UBFD1: variants seen among roughly 807,000 people sequenced by gnomAD.
UBFD1 encodes the protein ubiquitin family domain containing 1.
UBFD1 carries 12 observed loss-of-function variants against 35.1 expected under a neutral mutation model. The ratio of observed to expected loss-of-function variants is 0.34; its 90% CI spans 0.22 to 0.55. The LOEUF (loss-of-function observed/expected upper bound fraction) is 0.55. Among genes scored for constraint, UBFD1 ranks in the 20% least tolerant of loss-of-function variants. The pLI is 0.89. For missense variants in UBFD1, 337 were observed against 410.8 expected (o/e 0.82, Z 1.55); for synonymous variants, 178 against 167.6 (o/e 1.06, Z -0.48).
At chr16:23,558,399 C>T in intron 2 of UBFD1, 120 bp downstream of exon 2, 2 of 1,242,096 alleles carry the variant, frequency 1.6e-6, no homozygotes, top group Non-Finnish European at 2.2e-6. Flanking sequence ...CAGCAGTCTT[C>T]TGAAGGATAC....
Position 23,558,108 on chromosome 16 carries a change from C to T in UBFD1, c.184C>T (p.Pro62Ser), listed in dbSNP as rs757325826. Residue 62 changes from proline (P) to serine (S), a missense_variant, in exon 2 of 7, where the codon CCT (proline) becomes TCT (serine). Physicochemically the swap from Pro to Ser is moderately conservative, Grantham distance 74. Coordinates refer to ENST00000395878, the MANE Select transcript of UBFD1 (RefSeq NM_019116.3). ...GSLQPAPAQPPGDPAAQASVS... is the reference protein window; with the variant it reads ...GSLQPAPAQPSGDPAAQASVS... The stretch of plus-strand genomic sequence containing the variant: ...CCTGCAGCCGGCCCCGGCCCAGCCC[C>T]CTGGGGACCCCGCAGCCCAGGCCTC... 24 of 1,577,116 alleles carry T rather than the reference C, an allele frequency of 1.5e-5. No individual in the cohort carries two copies. The South Asian group carries it at 2.6e-4, about 17-fold the overall frequency.
chr16:23,567,249 T>C (rs1020183954), intron 6 of UBFD1, among the ~76,000 whole-genome samples, 180 bp downstream of exon 6: 2 of 152,190 alleles, frequency 1.3e-5, no homozygotes, highest in East Asian at 3.8e-4. Flanking sequence ...TATTCCTAGT[T>C]CTGTTTATTT....
intron 2 of UBFD1, among the ~76,000 whole-genome samples, chr16:23,558,560 G>A (rs1462465148): frequency 1.3e-5 from 2 of 152,100 alleles, no homozygotes; most frequent in African/African-American, 4.8e-5. Context: ...CACCTAAGGC[G>A]CTTGTTTTAC....
At position 23,558,091 on chromosome 16, in the gene UBFD1, C is replaced by G; in HGVS notation, c.167C>G (p.Pro56Arg). The G allele has an allele frequency of 2.0e-6, 3 of 1,506,630 alleles. No homozygotes were observed. Among genetic ancestry groups the G allele is most frequent in the Non-Finnish European group, 2.6e-6 (3 of 1,133,384 alleles). The allele number at this position is 1,506,630 out of a possible 1,614,324, so 93.3% of individuals were successfully genotyped here. Residue 56 changes from proline (P) to arginine (R), a missense_variant, in exon 2 of 7, where the codon CCG becomes CGG. Coordinates refer to ENST00000395878, the MANE Select transcript of UBFD1 (RefSeq NM_019116.3). ...DSGAARGSLQPAPAQPPGDPA... is the reference protein window; with the variant it reads ...DSGAARGSLQRAPAQPPGDPA... ...GGCGCCGCACGAGGCAGCCTGCAGC[C>G]GGCCCCGGCCCAGCCCCCTGGGGAC...
intron 5 of UBFD1, 112 bp from the exon 6 acceptor site, chr16:23,566,875 C>G: frequency 1.0e-6 from 1 of 1,001,694 alleles, no homozygotes; most frequent in South Asian, 1.5e-5. Flanking sequence ...GCGCCAGTCA[C>G]TTGAGTTTAC....
chr16:23,570,659 A>G lies in UBFD1; in HGVS notation c.*69A>G. 1.6e-6 allele frequency: 2 copies of G among 1,273,482 alleles called. No individual in the cohort carries two copies. Among genetic ancestry groups the G allele is most frequent in the Non-Finnish European group, 2.3e-6 (2 of 883,334 alleles). The allele number at this position is 1,273,482 out of a possible 1,614,324, so 78.9% of individuals were successfully genotyped here. On this transcript the variant is annotated 3_prime_UTR_variant, in exon 7 of 7. Transcript: ENST00000395878. ...GACATTGCCGGGAGAGGCCTGCAGC[A>G]TCCCTGGATTTCAGAGTTCTGGAAC...
chr16:23,564,323 T>C (rs1284852697), intron 5 of UBFD1: 1 of 152,240 alleles, frequency 6.6e-6, no homozygotes, highest in African/African-American at 2.4e-5. Flanking sequence ...AAAATTGAAA[T>C]GCCAAAAATG....
In UBFD1 at chr16:23,573,433, C is replaced by T. The variant is rs1026987822; in HGVS notation, c.*2843C>T. The T allele has an allele frequency of 6.6e-6, 1 of 152,208 alleles. No individual in the cohort carries two copies. The highest frequency in any genetic ancestry group is 1.5e-5 in the Non-Finnish European group (1 of 68,052). 9.4% of individuals were successfully genotyped at this position (152,208 alleles called of 1,614,324 possible). Reference sequence around the variant, plus strand: ...TCCCTGAGGCGCCTTGGCAGAAGAGCGTGACCCTGTGAGCCAGGCCCCCCT... The same window carrying T: ...TCCCTGAGGCGCCTTGGCAGAAGAGTGTGACCCTGTGAGCCAGGCCCCCCT... On this transcript the variant is annotated 3_prime_UTR_variant, in exon 7 of 7. Coordinates refer to ENST00000395878, the MANE Select transcript of UBFD1 (RefSeq NM_019116.3).
chr16:23,567,885 GA>G lies in UBFD1; in HGVS notation c.819+820del, dbSNP rs1008846964. On this transcript the variant is annotated intron_variant, in intron 6 of 6. Coordinates refer to ENST00000395878, the MANE Select transcript of UBFD1 (RefSeq NM_019116.3). ...TGAAGCCACATCAGCCCATCCCAGG[GA>G]AAAGAAGGAACTAGTGGTTTGACCA... is the stretch of plus-strand genomic sequence containing the variant. 4.6e-4 allele frequency among the ~76,000 whole-genome samples: 70 copies of G among 152,364 alleles called. 1 individual carries two copies. Among genetic ancestry groups the G allele is most frequent in the African/African-American group, 1.5e-3 (64 of 41,592 alleles).
intron 4 of UBFD1, 124 bp from the exon 5 acceptor site, chr16:23,562,501 C>G: frequency 1.1e-6 from 1 of 896,878 alleles, no homozygotes; most frequent in Non-Finnish European, 1.7e-6. Context: ...CTCCTGACCT[C>G]AGGTGATCTG....
Position 23,573,382 on chromosome 16 carries a change from C to A in UBFD1, c.*2792C>A, listed in dbSNP as rs1439064450. On this transcript the variant is annotated 3_prime_UTR_variant, in exon 7 of 7. Coordinates refer to ENST00000395878, the MANE Select transcript of UBFD1 (RefSeq NM_019116.3). ...TGGTCCTCCTGCAGGTTCTGGCTCACAGACATCATCATGCCTTTTTTTCCC... is the reference window on the plus strand; with the variant it reads ...TGGTCCTCCTGCAGGTTCTGGCTCAAAGACATCATCATGCCTTTTTTTCCC... 6.6e-6 allele frequency: 1 copy of A among 152,218 alleles called. No homozygotes were observed. The highest frequency in any genetic ancestry group is 2.4e-5 in the African/African-American group (1 of 41,462). 9.4% of individuals were successfully genotyped at this position (152,218 alleles called of 1,614,324 possible).
intron 3 of UBFD1, among the ~76,000 whole-genome samples, chr16:23,560,698 G>T (rs2142212019): frequency 6.6e-6 from 1 of 152,246 alleles, no homozygotes; most frequent in East Asian, 1.9e-4. Context: ...ACCCCACAGA[G>T]AAGATTGTTA....
In UBFD1 at chr16:23,566,995, G is replaced by A; in HGVS notation, c.745G>A (p.Glu249Lys). ...QLWIGTKERTEKLPMGSIKNV... is the reference protein window; with the variant it reads ...QLWIGTKERTKKLPMGSIKNV... The stretch of plus-strand genomic sequence containing the variant: ...AATCCCTCTCAACTTAGAGCGGACT[G>A]AGAAATTGCCCATGGGCTCCATAAA... The change falls in exon 6 of 7, where the codon GAG (glutamate) becomes AAG (lysine). Residue 249 changes from glutamate (E) to lysine (K), a missense_variant. By Grantham distance (56) the Glu-to-Lys change is moderately conservative. Around this residue, in one of 4 missense-constraint regions of UBFD1, gnomAD observed 71 missense variants for 149.6 expected, o/e 0.47. Transcript: ENST00000395878. 3.7e-6 allele frequency: 6 copies of A among 1,614,182 alleles called. No homozygotes were observed. Among genetic ancestry groups the A allele is most frequent in the Non-Finnish European group, 4.2e-6 (5 of 1,180,024 alleles).
intron 5 of UBFD1, among the ~76,000 whole-genome samples, 177 bp downstream of exon 5, chr16:23,562,907 C>T (rs1256167695): frequency 6.6e-6 from 1 of 152,140 alleles, no homozygotes; most frequent in Non-Finnish European, 1.5e-5. Flanking sequence ...GACCGTTTTC[C>T]CTCATTGTTT....
chr16:23,568,399 C>T (rs112822077), intron 6 of UBFD1, among the ~76,000 whole-genome samples: 1,962 of 151,084 alleles, frequency 0.013, 19 homozygotes, highest in South Asian at 0.02. Context: ...ACCTGGCGAT[C>T]CGCCCACCTC....
intron 6 of UBFD1, 135 bp from the exon 7 acceptor site, chr16:23,570,345 C>G: frequency 1.5e-6 from 1 of 678,506 alleles, no homozygotes; most frequent in Non-Finnish European, 2.6e-6. Context: ...GGAGAATGCT[C>G]CCCACGTGCA....
rs906935821 is a variant in UBFD1, at chr16:23,557,995, C to T, written c.71C>T (p.Thr24Ile). The part of the protein sequence containing the change: ...GMDTEAETVA[T>I]EAPARPVNCL... ...GACACGGAGGCCGAGACTGTGGCTA[C>T]TGAGGCTCCCGCGCGGCCCGTCAAC... Residue 24 changes from threonine to isoleucine, a missense_variant, in exon 2 of 7, where the codon ACT (threonine) becomes ATT (isoleucine). Coordinates refer to ENST00000395878, the MANE Select transcript of UBFD1 (RefSeq NM_019116.3). 1.5e-6 allele frequency: 2 copies of T among 1,369,226 alleles called. No homozygotes were observed. Among genetic ancestry groups the T allele is most frequent in the Non-Finnish European group, 1.9e-6 (2 of 1,064,802 alleles). The allele number at this position is 1,369,226 out of a possible 1,614,324, so 84.8% of individuals were successfully genotyped here.
Position 23,562,990 on chromosome 16 carries a change from C to T in UBFD1, c.736+260C>T, listed in dbSNP as rs551295210. Among the ~76,000 whole-genome samples, 9 of 152,274 alleles carry T rather than the reference C, an allele frequency of 5.9e-5. 1 individual carries two copies. The highest frequency in any genetic ancestry group is 1.7e-4 in the African/African-American group (7 of 41,558). On this transcript the variant is annotated intron_variant, in intron 5 of 6. Coordinates refer to ENST00000395878, the MANE Select transcript of UBFD1 (RefSeq NM_019116.3). ...CACACAGATTTGGGGGTCCCAAACA[C>T]GTGGCCCAAGGGCCAAATCTGGTCC...
At chr16:23,563,866 C>T (rs1310997018) in intron 5 of UBFD1, among the ~76,000 whole-genome samples, 2 of 152,208 alleles carry the variant, frequency 1.3e-5, no homozygotes, top group African/African-American at 4.8e-5. Context: ...TTTTCCCATT[C>T]CTTGTTATTA....
Sources: allele counts gnomAD v4.1 joint callset (sites outside exome capture counted in the v4.1 genomes callset), GRCh38; gene constraint gnomAD v4.1.1; regional missense constraint gnomAD v4.1.1; transcripts MANE v1.5; gene names NCBI Gene and HGNC (gene_info 2026-07-23, HGNC 2026-07-21).